Variants in FAM184A observed in about 807,000 individuals in gnomAD.
FAM184A encodes family with sequence similarity 184 member A.
In FAM184A, 99 loss-of-function variants were observed where a neutral mutation model predicts 143.8. The observed-to-expected ratio is 0.69, with a 90% CI of 0.58 to 0.81. The LOEUF (loss-of-function observed/expected upper bound fraction) is 0.81, where lower values mean the gene tolerates loss of function less well. FAM184A is among the 40% of genes least tolerant of loss of function. The pLI is 0.00. For synonymous variants in FAM184A, 427 were observed against 446.4 expected, an observed-to-expected ratio of 0.96 and a Z score of 0.55; for missense variants, 1,217 against 1,310.5, an observed-to-expected ratio of 0.93 and a Z score of 1.10.
At chr6:119,060,402 C>T (rs778087687) in intron 1 of FAM184A, among the ~76,000 whole-genome samples, 28 of 152,134 alleles carry the variant, frequency 1.8e-4, no homozygotes, top group Non-Finnish European at 2.1e-4. Context: ...ACTGGCAAGA[C>T]AGTGGCTAAA....
chr6:118,970,085 C>T (rs1481793235), intron 14 of FAM184A, among the ~76,000 whole-genome samples: 5 of 141,620 alleles, frequency 3.5e-5, no homozygotes, highest in African/African-American at 1.3e-4. Context: ...TTACCTGCAA[C>T]CTCCACCTCC....
At chr6:118,985,086 T>C (rs1424142451) in intron 9 of FAM184A, among the ~76,000 whole-genome samples, 1 of 152,262 alleles carries the variant, frequency 6.6e-6, no homozygotes, top group Non-Finnish European at 1.5e-5. Flanking sequence ...TCTCTTGATA[T>C]AATTCACCGT....
At position 119,027,634 on chromosome 6, in the gene FAM184A, A is replaced by G. The variant is rs74944573; in HGVS notation, c.160-2821T>C. On this transcript the variant is annotated intron_variant, in intron 1 of 17. Coordinates refer to ENST00000338891, the MANE Select transcript of FAM184A (RefSeq NM_024581.6). ...GTAATTCAGTAACTTGTTAAACGAA[A>G]AGGTAGCAGAACAATAGCCAAGGAA... 2.3e-3 allele frequency among the ~76,000 whole-genome samples: 352 copies of G among 152,282 alleles called. 3 individuals carry two copies. The highest frequency in any genetic ancestry group is 8.0e-3 in the African/African-American group (334 of 41,562).
At chr6:119,128,650 T>C (rs1419569623) in intron 1 of FAM184A, among the ~76,000 whole-genome samples, 1 of 151,764 alleles carries the variant, frequency 6.6e-6, no homozygotes, top group East Asian at 1.9e-4. Context: ...AAAAAGAAAA[T>C]GTGTGATTAA....
At chr6:118,970,657 G>A (rs1412900230) in intron 14 of FAM184A, among the ~76,000 whole-genome samples, 2 of 152,094 alleles carry the variant, frequency 1.3e-5, no homozygotes, top group African/African-American at 2.4e-5. Flanking sequence ...ATGCCGCCTT[G>A]AGAATACCAC....
intron 1 of FAM184A, among the ~76,000 whole-genome samples, chr6:119,128,422 T>A (rs777104641): frequency 5.3e-5 from 8 of 152,198 alleles, no homozygotes; most frequent in Admixed American, 6.5e-5. Flanking sequence ...TATCTGGAAG[T>A]ATGTTTGGCA....
intron 14 of FAM184A, among the ~76,000 whole-genome samples, chr6:118,971,453 C>A (rs554120587): frequency 3.3e-4 from 46 of 140,808 alleles, no homozygotes; most frequent in African/African-American, 1.3e-3. Flanking sequence ...TCAGAACCAT[C>A]TTTTTGCATA....
chr6:119,088,169 G>T (rs1354838816), intron 1 of FAM184A, among the ~76,000 whole-genome samples: 1 of 152,160 alleles, frequency 6.6e-6, no homozygotes. Context: ...GAATGGTGGT[G>T]ATGGTTGTAC....
intron 14 of FAM184A, among the ~76,000 whole-genome samples, chr6:118,968,287 AT>A (rs1188633869): frequency 6.6e-6 from 1 of 152,234 alleles, no homozygotes; most frequent in African/African-American, 2.4e-5. Flanking sequence ...CAATAAAAAA[AT>A]CTTATCATGC....
chr6:118,974,652 T>G lies in FAM184A; in HGVS notation c.2769-78A>C, dbSNP rs555249941. The G allele has an allele frequency of 6.1e-5, 77 of 1,264,666 alleles. No homozygotes were observed. The African/African-American group carries it at 1.1e-3, about 18-fold the overall frequency. 78.3% of individuals were successfully genotyped at this position (1,264,666 alleles called of 1,614,324 possible). A position where few individuals can be genotyped will look rare whatever the true frequency, so the allele number is the denominator to read the frequency against. On this transcript the variant is annotated intron_variant, in intron 13 of 17. Coordinates refer to ENST00000338891, the MANE Select transcript of FAM184A (RefSeq NM_024581.6). ...AAACTTTCTATTATTCTACCAGATTTGAAATGGTTTTTGGTATAATATATA... is the reference window on the plus strand; with the variant it reads ...AAACTTTCTATTATTCTACCAGATTGGAAATGGTTTTTGGTATAATATATA...
intron 1 of FAM184A, among the ~76,000 whole-genome samples, chr6:119,097,049 C>A (rs185757836): frequency 6.6e-6 from 1 of 152,128 alleles, no homozygotes; most frequent in Admixed American, 6.5e-5. Context: ...AGTATGGGGG[C>A]CAGAAGAGGC....
intron 1 of FAM184A, among the ~76,000 whole-genome samples, chr6:119,144,360 T>C (rs1241079799): frequency 2.0e-5 from 3 of 151,128 alleles, no homozygotes; most frequent in Admixed American, 2.0e-4. Flanking sequence ...AAAGAAAATA[T>C]TTTTTCTGCC....
At chr6:118,997,340 A>T (rs986527741) in intron 9 of FAM184A, among the ~76,000 whole-genome samples, 1 of 151,486 alleles carries the variant, frequency 6.6e-6, no homozygotes, top group African/African-American at 2.4e-5. Context: ...AAAAAAAAAA[A>T]AATTAAAAGA....
At chr6:119,072,028 T>C (rs1787708838) in intron 1 of FAM184A, among the ~76,000 whole-genome samples, 1 of 151,866 alleles carries the variant, frequency 6.6e-6, no homozygotes. Flanking sequence ...CACCAGCTAA[T>C]TTTTTGTATT....
chr6:119,120,819 T>C (rs886779247), intron 1 of FAM184A, among the ~76,000 whole-genome samples: 2 of 138,406 alleles, frequency 1.4e-5, no homozygotes, highest in South Asian at 4.2e-4. Context: ...TTTCTTTCTT[T>C]CTTTCTTCCT....
chr6:119,108,128 A>AGTGTGTGTGTGTGT (rs57693047), intron 1 of FAM184A, among the ~76,000 whole-genome samples: 2,658 of 147,334 alleles, frequency 0.018, 33 homozygotes, highest in African/African-American at 0.034. Context: ...AGCACTTGTT[A>AGTGTGTGTGTGTGT]GTGTGTGTGT....
At chr6:119,137,655 T>G (rs758169972) in intron 1 of FAM184A, among the ~76,000 whole-genome samples, 9 of 152,158 alleles carry the variant, frequency 5.9e-5, no homozygotes, top group Admixed American at 1.3e-4. Context: ...CAAATATGAT[T>G]GCAAAATCCA....
intron 1 of FAM184A, among the ~76,000 whole-genome samples, chr6:119,087,340 T>C (rs979730289): frequency 6.6e-6 from 1 of 152,156 alleles, no homozygotes; most frequent in African/African-American, 2.4e-5. Context: ...AGACCATGCT[T>C]CTGATAAAGG....
At chr6:119,006,310 T>C in intron 7 of FAM184A, 137 bp downstream of exon 7, 1 of 871,524 alleles carries the variant, frequency 1.1e-6, no homozygotes, top group South Asian at 1.6e-5. Flanking sequence ...CCCCAGTTTG[T>C]AGTACTTTGT....
Sources: allele counts gnomAD v4.1 joint callset (sites outside exome capture counted in the v4.1 genomes callset), GRCh38; gene constraint gnomAD v4.1.1; transcripts MANE v1.5; gene names NCBI Gene and HGNC (gene_info 2026-07-23, HGNC 2026-07-21).